The following ADAMTSL1 variants were observed in gnomAD, a reference collection of about 807,000 sequenced individuals.
The protein encoded by ADAMTSL1 is ADAMTS-like protein 1.
Under a neutral mutation model 201.8 loss-of-function variants are expected in ADAMTSL1, and 126 were observed. The observed-to-expected ratio is 0.62, with a 90% CI of 0.54 to 0.72. The LOEUF is 0.72. ADAMTSL1 is among the 30% of genes least tolerant of loss of function. The pLI is 0.00. For synonymous variants in ADAMTSL1, 1,121 were observed against 903.4 expected, an observed-to-expected ratio of 1.24 and a Z score of -4.32; for missense variants, 2,679 against 2,277.8, an observed-to-expected ratio of 1.18 and a Z score of -3.59.
intron 19 of ADAMTSL1, among the ~76,000 whole-genome samples, chr9:18,789,258 C>T (rs1006600721): frequency 6.6e-5 from 10 of 152,170 alleles, no homozygotes; most frequent in African/African-American, 2.4e-4. Flanking sequence ...ACATGCCAGG[C>T]ACTTTTCTGT....
intron 4 of ADAMTSL1, among the ~76,000 whole-genome samples, chr9:18,595,478 C>G (rs977249679): frequency 4.6e-5 from 7 of 152,132 alleles, no homozygotes; most frequent in Non-Finnish European, 7.4e-5. Context: ...AAGTAAGTTC[C>G]TGCACAGGTA....
At chr9:18,079,555 G>A (rs980059093) in intron 1 of ADAMTSL1, among the ~76,000 whole-genome samples, 5 of 151,934 alleles carry the variant, frequency 3.3e-5, no homozygotes, top group Non-Finnish European at 5.9e-5. Flanking sequence ...GGTGGTGCAC[G>A]CCTGTAGTCC....
chr9:18,807,520 C>T (rs183581344), intron 20 of ADAMTSL1, among the ~76,000 whole-genome samples: 1 of 152,244 alleles, frequency 6.6e-6, no homozygotes, highest in African/African-American at 2.4e-5. Flanking sequence ...TGGCAGGCGC[C>T]TGTAGTCCCA....
chr9:18,111,665 A>G (rs1229665112), intron 1 of ADAMTSL1, among the ~76,000 whole-genome samples: 1 of 152,200 alleles, frequency 6.6e-6, no homozygotes, highest in East Asian at 1.9e-4. Flanking sequence ...CAGAACTTAC[A>G]TCTTTTCTCA....
intron 16 of ADAMTSL1, among the ~76,000 whole-genome samples, chr9:18,763,915 A>C (rs1820217099): frequency 6.6e-6 from 1 of 152,154 alleles, no homozygotes; most frequent in East Asian, 1.9e-4. Context: ...AAGTCAGATA[A>C]TGTGATTCCT....
chr9:18,361,234 A>G (rs1274800831), intron 2 of ADAMTSL1, among the ~76,000 whole-genome samples: 1 of 152,224 alleles, frequency 6.6e-6, no homozygotes, highest in African/African-American at 2.4e-5. Context: ...TTTCGATTAT[A>G]AGGAGCATTA....
intron 1 of ADAMTSL1, among the ~76,000 whole-genome samples, chr9:17,952,389 T>A (rs775535863): frequency 6.6e-6 from 1 of 152,180 alleles, no homozygotes; most frequent in Non-Finnish European, 1.5e-5. Context: ...TGGTAATTTT[T>A]TGTTTACATC....
At chr9:18,545,949 G>A (rs549749107) in intron 3 of ADAMTSL1, among the ~76,000 whole-genome samples, 1 of 152,260 alleles carries the variant, frequency 6.6e-6, no homozygotes, top group African/African-American at 2.4e-5. Flanking sequence ...ACACCAAGAT[G>A]TGCTGAAACT....
intron 1 of ADAMTSL1, among the ~76,000 whole-genome samples, chr9:17,951,768 T>C (rs1042669439): frequency 6.6e-6 from 1 of 152,228 alleles, no homozygotes; most frequent in South Asian, 2.1e-4. Context: ...TTTTATGATA[T>C]ATTTTGTTCT....
chr9:18,322,988 C>G (rs1222808317), intron 2 of ADAMTSL1, among the ~76,000 whole-genome samples: 2 of 152,136 alleles, frequency 1.3e-5, no homozygotes, highest in Non-Finnish European at 2.9e-5. Context: ...ACCAATCTTA[C>G]ACAAAATCTT....
chr9:18,062,838 T>A (rs543955411), intron 1 of ADAMTSL1, among the ~76,000 whole-genome samples: 5 of 152,358 alleles, frequency 3.3e-5, no homozygotes, highest in Non-Finnish European at 7.4e-5. Flanking sequence ...GCTACTTTGA[T>A]GAAATCTTCC....
intron 2 of ADAMTSL1, among the ~76,000 whole-genome samples, chr9:18,338,379 C>G (rs373598058): frequency 7.2e-5 from 11 of 152,120 alleles, no homozygotes; most frequent in Non-Finnish European, 1.5e-4. Context: ...TATTTCCATT[C>G]AGGTTCCTAC....
intron 1 of ADAMTSL1, among the ~76,000 whole-genome samples, chr9:17,971,191 A>C (rs2131426966): frequency 6.6e-6 from 1 of 152,170 alleles, no homozygotes; most frequent in South Asian, 2.1e-4. Context: ...TTTAATTGAT[A>C]GTTTGGAGGG....
intron 23 of ADAMTSL1, among the ~76,000 whole-genome samples, chr9:18,851,381 A>T (rs999209254): frequency 6.6e-6 from 1 of 152,120 alleles, no homozygotes; most frequent in African/African-American, 2.4e-5. Flanking sequence ...TGGAAATTCT[A>T]TTTCCATCTA....
At chr9:18,493,742 A>AT (rs34966179) in intron 1 of ADAMTSL1, among the ~76,000 whole-genome samples, 55 of 152,244 alleles carry the variant, frequency 3.6e-4, no homozygotes, top group African/African-American at 1.2e-3. Flanking sequence ...TTCTGCATAC[A>AT]TTTTTTCCCT....
At chr9:18,495,580 G>T (rs931966229) in intron 1 of ADAMTSL1, among the ~76,000 whole-genome samples, 6 of 152,308 alleles carry the variant, frequency 3.9e-5, no homozygotes, top group Non-Finnish European at 7.3e-5. Context: ...AAATTTGCCA[G>T]AGTGTTCCAA....
chr9:18,267,888 T>G (rs1280975911), intron 2 of ADAMTSL1, among the ~76,000 whole-genome samples: 2 of 152,056 alleles, frequency 1.3e-5, no homozygotes, highest in African/African-American at 2.4e-5. Context: ...AAAGATTTCT[T>G]AGAGATTTTA....
chr9:18,362,457 A>T (rs1362674659), intron 2 of ADAMTSL1, among the ~76,000 whole-genome samples: 1 of 152,232 alleles, frequency 6.6e-6, no homozygotes, highest in African/African-American at 2.4e-5. Context: ...CATTCCATAT[A>T]TTCAACTTGG....
At chr9:18,136,002 T>C (rs1798811705) in intron 1 of ADAMTSL1, among the ~76,000 whole-genome samples, 1 of 152,172 alleles carries the variant, frequency 6.6e-6, no homozygotes, top group African/African-American at 2.4e-5. Flanking sequence ...ATTTATTTGC[T>C]CAGGATCATG....
Sources: gnomAD v4.1 joint callset for allele counts (sites outside exome capture counted in the v4.1 genomes callset) on GRCh38, gnomAD v4.1.1 for gene constraint, MANE v1.5 for transcripts, NCBI Gene and HGNC (gene_info 2026-07-23, HGNC 2026-07-21) for gene names.